Variants in COL23A1 observed in about 807,000 individuals in gnomAD.
COL23A1 encodes collagen alpha-1(XXIII) chain.
In COL23A1, 97 loss-of-function variants were observed where a neutral mutation model predicts 99.3. The ratio of observed to expected loss-of-function variants is 0.98; its 90% CI spans 0.83 to 1.16. COL23A1 has a LOEUF of 1.16. Among genes scored for constraint, COL23A1 ranks in the 50% most tolerant of loss-of-function variants. The pLI, the probability that COL23A1 is intolerant of heterozygous loss-of-function variation, is 0.00. For missense variants in COL23A1, 762 were observed against 757.4 expected (o/e 1.01, Z -0.07); for synonymous variants, 320 against 308.2 (o/e 1.04, Z -0.40).
intron 1 of COL23A1, among the ~76,000 whole-genome samples, chr5:178,578,087 A>C (rs546329480): frequency 3.2e-4 from 48 of 150,432 alleles, no homozygotes; most frequent in Non-Finnish European, 5.6e-4. Flanking sequence ...ATGCACACAC[A>C]CATGCATGCA....
chr5:178,546,926 G>A (rs926469713), intron 2 of COL23A1, among the ~76,000 whole-genome samples: 2 of 152,154 alleles, frequency 1.3e-5, no homozygotes, highest in African/African-American at 4.8e-5. Context: ...GGCCCCTGGA[G>A]GAACACGGAG....
chr5:178,488,070 T>C (rs1373176989), intron 2 of COL23A1, among the ~76,000 whole-genome samples: 2 of 152,160 alleles, frequency 1.3e-5, no homozygotes, highest in African/African-American at 4.8e-5. Flanking sequence ...ATGAGAATAA[T>C]GCATTAAGCC....
At chr5:178,422,642 C>G (rs533096062) in intron 2 of COL23A1, among the ~76,000 whole-genome samples, 38 of 152,286 alleles carry the variant, frequency 2.5e-4, no homozygotes, top group African/African-American at 6.5e-4. Context: ...CACCCACCCC[C>G]ACGTGGTCGC....
In COL23A1 at chr5:178,428,862, C is replaced by T. The variant is rs1055509114; in HGVS notation, c.362-121943G>A. On this transcript the variant is annotated intron_variant, in intron 2 of 28. Transcript: ENST00000390654. This position sits in a 1 kb window ranked among gnomAD's most constrained non-coding sequence, Gnocchi z 5.0. ...CAACTCTGCCCCTGGAGTGGTGCCT[C>T]GTGGGGGTGGGGGCAGGGCTGCCTT... Among the ~76,000 whole-genome samples the T allele has an allele frequency of 7.2e-5, 11 of 152,126 alleles. No individual in the cohort carries two copies. Among genetic ancestry groups the T allele is most frequent in the Non-Finnish European group, 2.9e-5 (2 of 68,010 alleles).
At chr5:178,252,101 G>T (rs1309174657) in intron 17 of COL23A1, among the ~76,000 whole-genome samples, 1 of 151,626 alleles carries the variant, frequency 6.6e-6, no homozygotes, top group African/African-American at 2.4e-5. Flanking sequence ...TTTTAGTAGA[G>T]ACAGAGTTTC....
At chr5:178,481,692 T>C (rs944085800) in intron 2 of COL23A1, among the ~76,000 whole-genome samples, 3 of 152,018 alleles carry the variant, frequency 2.0e-5, no homozygotes, top group Non-Finnish European at 4.4e-5. Context: ...TACCCATTAG[T>C]ATAGCTATGA....
At chr5:178,311,484 C>CTG (rs1006253790) in intron 2 of COL23A1, among the ~76,000 whole-genome samples, 690 of 58,178 alleles carry the variant, frequency 0.012, 3 homozygotes, top group African/African-American at 0.03. Flanking sequence ...GTTCTTTCCT[C>CTG]TGTGTGTGTG....
chr5:178,322,051 G>GGT (rs1298694222), intron 2 of COL23A1, among the ~76,000 whole-genome samples: 1 of 151,278 alleles, frequency 6.6e-6, no homozygotes, highest in Non-Finnish European at 1.5e-5. Flanking sequence ...GAAGTGCAGT[G>GGT]GTGTGATCTC....
At position 178,263,230 on chromosome 5, in the gene COL23A1, G is replaced by A. The variant is rs1444343145; in HGVS notation, c.617C>T (p.Pro206Leu). The stretch of plus-strand genomic sequence containing the variant: ...TACCGCTGGGCCTTGTGCTCCCCTG[G>A]GGCCATCTTTCCCAGTGTCGCCAGG... ...GPPGDTGKDG[P>L]RGAQGPAGPK... The change falls in exon 9 of 29, where the codon CCC (proline) becomes CTC (leucine). Residue 206 changes from proline (P) to leucine (L), a missense_variant. By Grantham distance (98) the Pro-to-Leu change is moderately conservative. Transcript: ENST00000390654. 1 of 1,613,636 alleles carries A rather than the reference G, an allele frequency of 6.2e-7. No homozygotes were observed. The highest frequency in any genetic ancestry group is 1.1e-5 in the South Asian group (1 of 91,072).
At chr5:178,486,579 C>T (rs1244829263) in intron 2 of COL23A1, among the ~76,000 whole-genome samples, 1 of 152,094 alleles carries the variant, frequency 6.6e-6, no homozygotes, top group Non-Finnish European at 1.5e-5. Context: ...TTCCAAGAGG[C>T]TCTTTCAGGA....
At chr5:178,285,993 G>A (rs889450430) in intron 5 of COL23A1, among the ~76,000 whole-genome samples, 2 of 152,192 alleles carry the variant, frequency 1.3e-5, no homozygotes, top group Non-Finnish European at 2.9e-5. Context: ...GGTGGTGTGA[G>A]AACGAGGGGT....
rs1756225922 is a variant in COL23A1 at position 178,270,473 on chromosome 5, C to T, written c.442-110G>A. Reference sequence around the variant, plus strand: ...GACAAGAAAACAAAGCCTGTGGGAGCCCCGCGTCTGGGTTCAGTCCATGTG... The same window carrying T: ...GACAAGAAAACAAAGCCTGTGGGAGTCCCGCGTCTGGGTTCAGTCCATGTG... On this transcript the variant is annotated intron_variant, in intron 5 of 28. Transcript: ENST00000390654. 5 of 1,344,100 alleles carry T rather than the reference C, an allele frequency of 3.7e-6. No homozygotes were observed. The East Asian group carries it at 7.4e-5, about 20-fold the overall frequency. 83.3% of individuals were successfully genotyped at this position (1,344,100 alleles called of 1,614,324 possible). A position where few individuals can be genotyped will look rare whatever the true frequency, so the allele number is the denominator to read the frequency against.
chr5:178,573,249 G>A (rs1378855341), intron 1 of COL23A1, among the ~76,000 whole-genome samples: 1 of 152,240 alleles, frequency 6.6e-6, no homozygotes, highest in African/African-American at 2.4e-5. Flanking sequence ...ATCCCAGGCT[G>A]CGGCTTCTAC....
rs1359053283 is a variant in COL23A1 at position 178,366,036 on chromosome 5, G to A, written c.362-59117C>T. ...TGAGTTCACCTCTTCATCTGAGCTC[G>A]CTTCAGATGACGCCCCCAGTGCCAG... On this transcript the variant is annotated intron_variant, in intron 2 of 28. Transcript: ENST00000390654. This position sits in a 1 kb window ranked among gnomAD's most constrained non-coding sequence, Gnocchi z 4.4. Among the ~76,000 whole-genome samples, 3 of 152,120 alleles carry A rather than the reference G, an allele frequency of 2.0e-5. No homozygotes were observed. Among genetic ancestry groups the A allele is most frequent in the South Asian group, 4.1e-4 (2 of 4,820 alleles).
chr5:178,249,053 G>C, intron 19 of COL23A1, 64 bp downstream of exon 19: 1 of 1,530,888 alleles, frequency 6.5e-7, no homozygotes, highest in Admixed American at 1.7e-5. Context: ...AGCACGGGGG[G>C]CACACAGTCA....
In COL23A1 at chr5:178,238,464, G is replaced by A; in HGVS notation, c.*234C>T. 1 of 566,004 alleles carries A rather than the reference G, an allele frequency of 1.8e-6. No homozygotes were observed. Among genetic ancestry groups the A allele is most frequent in the Non-Finnish European group, 3.1e-6 (1 of 318,386 alleles). 35.1% of individuals were successfully genotyped at this position (566,004 alleles called of 1,614,324 possible). On this transcript the variant is annotated 3_prime_UTR_variant, in exon 29 of 29. Transcript: ENST00000390654. Reference sequence around the variant, plus strand: ...GTGCTTCTACCTTCATCTCCTTCCTGGGAAAGCCCAGGCCCAAGGGTGCCC... The same window carrying A: ...GTGCTTCTACCTTCATCTCCTTCCTAGGAAAGCCCAGGCCCAAGGGTGCCC...
chr5:178,238,939 G>C lies in COL23A1; in HGVS notation c.1620+202C>G, dbSNP rs140073989. Among the ~76,000 whole-genome samples the C allele has an allele frequency of 2.2e-4, 34 of 152,304 alleles. No homozygotes were observed. The East Asian group carries it at 5.2e-3, about 23-fold the overall frequency. Reference sequence around the variant, plus strand: ...AGGATGGGTTATACACCATCACCCAGGACCACAGCCCCACGCCTCACATGC... The same window carrying C: ...AGGATGGGTTATACACCATCACCCACGACCACAGCCCCACGCCTCACATGC... On this transcript the variant is annotated intron_variant, in intron 28 of 28. Coordinates refer to ENST00000390654, the MANE Select transcript of COL23A1 (RefSeq NM_173465.4).
intron 2 of COL23A1, among the ~76,000 whole-genome samples, chr5:178,346,375 AG>A (rs1760973585): frequency 6.6e-6 from 1 of 152,186 alleles, no homozygotes; most frequent in Non-Finnish European, 1.5e-5. Flanking sequence ...CTGGGATTTC[AG>A]GGGCCTGCCA....
intron 2 of COL23A1, among the ~76,000 whole-genome samples, chr5:178,369,400 C>A (rs17081153): frequency 6.6e-6 from 1 of 152,268 alleles, no homozygotes; most frequent in East Asian, 1.9e-4. Context: ...GAAGAGAACA[C>A]CCCTCCATGG....
Sources: gnomAD v4.1 joint callset for allele counts (sites outside exome capture counted in the v4.1 genomes callset) on GRCh38, gnomAD v4.1.1 for gene constraint, Gnocchi (gnomAD v3.1) non-coding constraint, MANE v1.5 for transcripts, NCBI Gene and HGNC (gene_info 2026-07-23, HGNC 2026-07-21) for gene names.